Variants in PRKAR2A observed in about 807,000 individuals in gnomAD.
PRKAR2A encodes cAMP-dependent protein kinase type II-alpha regulatory subunit.
A neutral mutation model predicts 51.9 loss-of-function variants in PRKAR2A; 29 were observed. The ratio of observed to expected loss-of-function variants is 0.56; its 90% CI spans 0.42 to 0.76. The LOEUF is 0.76. Ranked by LOEUF, PRKAR2A falls within the 30% of genes least tolerant of loss-of-function variation. The pLI, the probability that PRKAR2A is intolerant of heterozygous loss-of-function variation, is 0.00. For missense variants in PRKAR2A, 445 were observed against 512.1 expected, an observed-to-expected ratio of 0.87 and a Z score of 1.26; for synonymous variants, 178 against 186.2, an observed-to-expected ratio of 0.96 and a Z score of 0.36.
intron 4 of PRKAR2A, 46 bp from the exon 5 acceptor site, chr3:48,783,138 G>T: frequency 3.2e-6 from 4 of 1,261,032 alleles, no homozygotes; most frequent in South Asian, 1.2e-5. Context: ...TACATATGCT[G>T]AAAAAAAGCA....
rs760971706 is a variant in PRKAR2A, at chr3:48,835,639, C to CAA, written c.262+11694_262+11695dup. ...TGGGGGACAGAGCAAGACTCCGTCT[C>CAA]AAAAAAAAAAAAAAAAAAAGCCAGG... On this transcript the variant is annotated intron_variant, in intron 1 of 10. Transcript: ENST00000265563. 7.2e-4 allele frequency among the ~76,000 whole-genome samples: 35 copies of CAA among 48,484 alleles called. No individual in the cohort carries two copies. The East Asian group carries it at 8.5e-3, about 12-fold the overall frequency. The allele number at this position is 48,484 out of a possible 152,430, so 31.8% of individuals were successfully genotyped here.
intron 1 of PRKAR2A, among the ~76,000 whole-genome samples, chr3:48,846,383 A>G (rs534378609): frequency 6.6e-6 from 1 of 150,790 alleles, no homozygotes; most frequent in African/African-American, 2.4e-5. Context: ...CGCCCGGCTA[A>G]TTTTTGTATT....
At chr3:48,829,638 ATAAATG>A (rs2083141546) in intron 1 of PRKAR2A, among the ~76,000 whole-genome samples, 2 of 137,874 alleles carry the variant, frequency 1.5e-5, no homozygotes, top group Non-Finnish European at 1.6e-5. Flanking sequence ...ATACACACAC[ATAAATG>A]TGTGTGTGTA....
At chr3:48,790,207 G>GACTC (rs2082362533) in intron 4 of PRKAR2A, among the ~76,000 whole-genome samples, 1 of 152,130 alleles carries the variant, frequency 6.6e-6, no homozygotes, top group Admixed American at 6.6e-5. Flanking sequence ...GACAGCATGA[G>GACTC]ACTCATCACA....
intron 5 of PRKAR2A, among the ~76,000 whole-genome samples, chr3:48,779,122 C>T (rs558346487): frequency 9.9e-5 from 15 of 151,860 alleles, no homozygotes; most frequent in Admixed American, 3.9e-4. Context: ...CCACCGTGCC[C>T]GGCCTAAAAA....
chr3:48,750,657 T>G lies in PRKAR2A; in HGVS notation c.*928A>C, dbSNP rs1318082256. The G allele has an allele frequency of 1.3e-5, 2 of 152,654 alleles. No individual in the cohort carries two copies. The highest frequency in any genetic ancestry group is 2.9e-5 in the Non-Finnish European group (2 of 68,086). 9.5% of individuals were successfully genotyped at this position (152,654 alleles called of 1,614,324 possible). Reference sequence around the variant, plus strand: ...TTTCCAGCATACTGCCATCAGCTAGTAGAGGCAACTGCAAACAAATGGTAG... The same window carrying G: ...TTTCCAGCATACTGCCATCAGCTAGGAGAGGCAACTGCAAACAAATGGTAG... On this transcript the variant is annotated 3_prime_UTR_variant, in exon 11 of 11. Transcript: ENST00000265563.
chr3:48,780,162 C>CAA (rs1456031394), intron 5 of PRKAR2A, among the ~76,000 whole-genome samples: 1 of 145,486 alleles, frequency 6.9e-6, no homozygotes, highest in African/African-American at 2.5e-5. Flanking sequence ...CGTACCCCCC[C>CAA]CAAAAAAAAA....
At chr3:48,796,054 A>C (rs1188381393) in intron 2 of PRKAR2A, among the ~76,000 whole-genome samples, 1 of 152,252 alleles carries the variant, frequency 6.6e-6, no homozygotes, top group South Asian at 2.1e-4. Flanking sequence ...CTTACTAAGA[A>C]AACTGTTTTA....
chr3:48,771,071 C>T (rs1192015997), intron 6 of PRKAR2A, among the ~76,000 whole-genome samples: 1 of 151,916 alleles, frequency 6.6e-6, no homozygotes, highest in African/African-American at 2.4e-5. Flanking sequence ...ACTAAAAATA[C>T]AAAAATTGGC....
At chr3:48,828,267 A>G (rs763920864) in intron 1 of PRKAR2A, among the ~76,000 whole-genome samples, 3 of 152,110 alleles carry the variant, frequency 2.0e-5, no homozygotes, top group Non-Finnish European at 2.9e-5. Flanking sequence ...AGGCGTGATC[A>G]TGGCCCACAA....
At chr3:48,803,976 T>TA (rs542041785) in intron 2 of PRKAR2A, among the ~76,000 whole-genome samples, 64 of 150,590 alleles carry the variant, frequency 4.2e-4, no homozygotes, top group Non-Finnish European at 4.0e-4. Flanking sequence ...AAAAATTTAT[T>TA]AAAAAAAAAG....
Position 48,829,868 on chromosome 3 carries a change from TA to T in PRKAR2A, c.262+17466del, listed in dbSNP as rs1187875191. 6.2e-3 allele frequency among the ~76,000 whole-genome samples: 473 copies of T among 76,778 alleles called. 4 individuals carry two copies. The highest frequency in any genetic ancestry group is 0.027 in the African/African-American group (433 of 16,112). The allele number at this position is 76,778 out of a possible 152,430, so 50.4% of individuals were successfully genotyped here. A position where few individuals can be genotyped will look rare whatever the true frequency, so the allele number is the denominator to read the frequency against. On this transcript the variant is annotated intron_variant, in intron 1 of 10. Transcript: ENST00000265563. Reference sequence around the variant, plus strand: ...GTGTGTATATATATATATATATATATATATTTTTTTTTTTTTTTTAAGCTTT... The same window carrying T: ...GTGTGTATATATATATATATATATATTATTTTTTTTTTTTTTTTAAGCTTT...
intron 1 of PRKAR2A, among the ~76,000 whole-genome samples, chr3:48,832,969 TA>T (rs2083217062): frequency 6.6e-6 from 1 of 152,158 alleles, no homozygotes; most frequent in Non-Finnish European, 1.5e-5. Context: ...CTTGCCCACA[TA>T]TTATGAGTCT....
In PRKAR2A at chr3:48,773,099, A is replaced by G. The variant is rs1450698534; in HGVS notation, c.552T>C (p.Tyr184=). 54 of 1,607,370 alleles carry G rather than the reference A, an allele frequency of 3.4e-5. No homozygotes were observed. Among genetic ancestry groups the G allele is most frequent in the Middle Eastern group, 1.7e-4 (1 of 6,046 alleles). ...DNFYVIERGT[Y]DILVTKDNQT... ...GATTATCTTTTGTTACTAAAATGTC[A>G]TAAGTTCCCCTAGAAGAATGACAAA... The change falls in exon 6 of 11, where the codon TAT becomes TAC. Residue 184 remains tyrosine (Y), a synonymous_variant. Transcript: ENST00000265563.
At chr3:48,807,939 A>C (rs1007878830) in intron 1 of PRKAR2A, among the ~76,000 whole-genome samples, 2 of 152,234 alleles carry the variant, frequency 1.3e-5, no homozygotes, top group East Asian at 3.8e-4. Context: ...ATTTCTGCCC[A>C]CATCTATATT....
intron 2 of PRKAR2A, among the ~76,000 whole-genome samples, chr3:48,796,785 C>T (rs1349693213): frequency 1.3e-5 from 2 of 151,722 alleles, no homozygotes; most frequent in African/African-American, 2.4e-5. Flanking sequence ...CAACCGCGCC[C>T]GGCCAACTCT....
At chr3:48,828,885 G>C (rs1031515201) in intron 1 of PRKAR2A, among the ~76,000 whole-genome samples, 3 of 151,730 alleles carry the variant, frequency 2.0e-5, no homozygotes, top group Non-Finnish European at 1.5e-5. Context: ...CCAGGCTGGA[G>C]TGCAGTAGCG....
intron 1 of PRKAR2A, among the ~76,000 whole-genome samples, chr3:48,833,671 T>C (rs1308792209): frequency 6.7e-6 from 1 of 149,528 alleles, no homozygotes; most frequent in Non-Finnish European, 1.5e-5. Context: ...GATCGCGCCA[T>C]TGCACTTCAG....
intron 5 of PRKAR2A, among the ~76,000 whole-genome samples, chr3:48,779,828 T>TAAAA (rs1198131532): frequency 5.8e-4 from 76 of 130,452 alleles, no homozygotes; most frequent in African/African-American, 1.9e-3. Flanking sequence ...AATAAATAAA[T>TAAAA]AAAATATATA....
Sources: allele counts gnomAD v4.1 joint callset (sites outside exome capture counted in the v4.1 genomes callset), GRCh38; gene constraint gnomAD v4.1.1; transcripts MANE v1.5; gene names NCBI Gene and HGNC (gene_info 2026-07-23, HGNC 2026-07-21).